The following MRPS25 variants were observed in gnomAD, a reference collection of about 807,000 sequenced individuals.
MRPS25 encodes the protein mitochondrial ribosomal protein S25.
In MRPS25, 15 loss-of-function variants were observed where a neutral mutation model predicts 17.3. That is an observed-to-expected ratio of 0.87 (90% CI 0.58 to 1.34). The LOEUF (loss-of-function observed/expected upper bound fraction) is 1.34, where lower values mean the gene tolerates loss of function less well. MRPS25 is among the 40% of genes most tolerant of loss of function. MRPS25 has a pLI of 0.00. For missense variants in MRPS25, 225 were observed against 218.6 expected, an observed-to-expected ratio of 1.03 and a Z score of -0.19; for synonymous variants, 94 against 83.3, an observed-to-expected ratio of 1.13 and a Z score of -0.70.
chr3:15,065,266 C>T lies in MRPS25; in HGVS notation c.-72G>A, dbSNP rs1413061892. The T allele has an allele frequency of 1.4e-6, 2 of 1,463,624 alleles. No homozygotes were observed. Among genetic ancestry groups the T allele is most frequent in the African/African-American group, 1.4e-5 (1 of 70,050 alleles). The allele number at this position is 1,463,624 out of a possible 1,614,324, so 90.7% of individuals were successfully genotyped here. On this transcript the variant is annotated 5_prime_UTR_variant, in exon 1 of 4. Transcript: ENST00000253686. ...GCGACGAGAAAGGACTAGCTAGCACCCGCGCGGATCTCACGCGGCTTCTCC... is the reference window on the plus strand; with the variant it reads ...GCGACGAGAAAGGACTAGCTAGCACTCGCGCGGATCTCACGCGGCTTCTCC...
chr3:15,044,646 G>C (rs1459943002), downstream of MRPS25: 1 of 152,208 alleles, frequency 6.6e-6, no homozygotes, highest in Non-Finnish European at 1.5e-5. Context: ...CTCTTGATTT[G>C]TTAATCAGAT....
At chr3:15,047,864 T>G (rs890212510), downstream of MRPS25, 18 of 152,246 alleles carry the variant, frequency 1.2e-4, no homozygotes, top group African/African-American at 4.3e-4. Context: ...AATTTTCAGA[T>G]AAGAATTGCA....
chr3:15,051,992 A>G lies in MRPS25; in HGVS notation c.*449T>C, dbSNP rs370071613. The G allele has an allele frequency of 1.4e-5, 14 of 990,740 alleles. No homozygotes were observed. The Admixed American group carries it at 3.5e-4, about 25-fold the overall frequency. 61.4% of individuals were successfully genotyped at this position (990,740 alleles called of 1,614,324 possible). A position where few individuals can be genotyped will look rare whatever the true frequency, so the allele number is the denominator to read the frequency against. On this transcript the variant is annotated 3_prime_UTR_variant, in exon 4 of 4. Transcript: ENST00000253686. ...CAAGGAACTGAACGGAGGGGTGTACACACTGCCAACCACAGACAGTGCTAG... is the reference window on the plus strand; with the variant it reads ...CAAGGAACTGAACGGAGGGGTGTACGCACTGCCAACCACAGACAGTGCTAG...
intron 2 of MRPS25, among the ~76,000 whole-genome samples, chr3:15,054,730 A>T (rs1004064463): frequency 3.3e-5 from 5 of 152,156 alleles, no homozygotes; most frequent in Admixed American, 3.3e-4. Flanking sequence ...CAAAATTAAA[A>T]ACTTTTACAG....
At chr3:15,042,807 CT>C, downstream of MRPS25, 1 of 1,605,696 alleles carries the variant, frequency 6.2e-7, no homozygotes. Context: ...AAACAGTCTC[CT>C]TTTCTAATGA....
Position 15,052,468 on chromosome 3 carries a change from G to A in MRPS25, c.495C>T (p.Ala165=), listed in dbSNP as rs138779362. 1,188 of 1,613,992 alleles carry A rather than the reference G, an allele frequency of 7.4e-4. 11 individuals are homozygous for A. In the African/African-American group the frequency reaches 0.014, roughly 19 times the overall value. The part of the protein sequence containing the change: ...LPKEMRGKYK[A]ALKADAQD Reference sequence around the variant, plus strand: ...AGTCCTGGGCATCGGCTTTCAGAGCGGCTTTGTACTTCCCCCTCATCTCCT... The same window carrying A: ...AGTCCTGGGCATCGGCTTTCAGAGCAGCTTTGTACTTCCCCCTCATCTCCT... Residue 165 remains alanine (A), a synonymous_variant, in exon 4 of 4, where the codon GCC becomes GCT. Transcript: ENST00000253686.
At chr3:15,064,860 C>T (rs532384730) in intron 1 of MRPS25, among the ~76,000 whole-genome samples, 13 of 152,336 alleles carry the variant, frequency 8.5e-5, no homozygotes, top group Admixed American at 2.0e-4. Context: ...CCCCAAACCT[C>T]GTCACGACTG....
chr3:15,062,608 C>T (rs1396552433), intron 1 of MRPS25, among the ~76,000 whole-genome samples: 1 of 151,920 alleles, frequency 6.6e-6, no homozygotes. Context: ...ATGACAATGG[C>T]AGTTTTGTGG....
rs989161534 is a variant in MRPS25 at position 15,059,409 on chromosome 3, A to C, written c.201T>G (p.Phe67Leu). 3 of 1,613,586 alleles carry C rather than the reference A, an allele frequency of 1.9e-6. No homozygotes were observed. Among genetic ancestry groups the C allele is most frequent in the African/African-American group, 2.7e-5 (2 of 74,918 alleles). Residue 67 changes from phenylalanine (F) to leucine (L), a missense_variant, in exon 2 of 4, where the codon TTT (phenylalanine) becomes TTG (leucine). Coordinates refer to ENST00000253686, the MANE Select transcript of MRPS25 (RefSeq NM_022497.5). ...YKNPWVQIMM[F>L]KNMTPSPFLR... ...GGAAGGGTGACGGCGTCATGTTCTT[A>C]AACATCATGATCTGCACCCAAGGGT...
At chr3:15,046,694 T>C (rs531711674), downstream of MRPS25, 1 of 152,648 alleles carries the variant, frequency 6.6e-6, no homozygotes, top group African/African-American at 2.4e-5. Flanking sequence ...GGTAACATTT[T>C]AACTCTTTTC....
chr3:15,059,155 G>A (rs959839308), intron 2 of MRPS25, among the ~76,000 whole-genome samples: 2 of 152,100 alleles, frequency 1.3e-5, no homozygotes, highest in Non-Finnish European at 2.9e-5. Flanking sequence ...ATGGTGTGAG[G>A]CAGAGGGTAA....
Position 15,051,467 on chromosome 3 carries a change from G to A in MRPS25, c.*974C>T. 2 of 983,828 alleles carry A rather than the reference G, an allele frequency of 2.0e-6. No homozygotes were observed. Among genetic ancestry groups the A allele is most frequent in the Non-Finnish European group, 2.4e-6 (2 of 828,438 alleles). 60.9% of individuals were successfully genotyped at this position (983,828 alleles called of 1,614,324 possible). A position where few individuals can be genotyped will look rare whatever the true frequency, so the allele number is the denominator to read the frequency against. ...CAAAGTGCTGGGATTACAGGCATGA[G>A]CCACCACACCCAGCCTAGCTAAACC... On this transcript the variant is annotated 3_prime_UTR_variant, in exon 4 of 4. Coordinates refer to ENST00000253686, the MANE Select transcript of MRPS25 (RefSeq NM_022497.5).
intron 1 of MRPS25, among the ~76,000 whole-genome samples, chr3:15,062,734 T>C (rs555217238): frequency 3.3e-4 from 50 of 152,316 alleles, no homozygotes; most frequent in Middle Eastern, 6.8e-3. Flanking sequence ...AGAAAAATTC[T>C]TCTGCCTTGG....
chr3:15,048,165 C>T (rs1273980484), downstream of MRPS25: 1 of 152,640 alleles, frequency 6.6e-6, no homozygotes, highest in African/African-American at 2.4e-5. Context: ...GTACTCAGTG[C>T]CTTTTGTGAG....
At chr3:15,053,191 A>T in intron 3 of MRPS25, 189 bp downstream of exon 3, 1 of 1,312,298 alleles carries the variant, frequency 7.6e-7, no homozygotes, top group Non-Finnish European at 1.0e-6. Flanking sequence ...GATAAAGCTT[A>T]CAGAGGTTTA....
At chr3:15,062,670 G>A (rs977848893) in intron 1 of MRPS25, among the ~76,000 whole-genome samples, 3 of 152,186 alleles carry the variant, frequency 2.0e-5, no homozygotes, top group Non-Finnish European at 2.9e-5. Flanking sequence ...GATGGTTGCC[G>A]TGTCTGTGTG....
intron 1 of MRPS25, among the ~76,000 whole-genome samples, chr3:15,063,153 T>C (rs181491280): frequency 1.4e-3 from 204 of 150,906 alleles, no homozygotes; most frequent in Admixed American, 1.2e-3. Flanking sequence ...CCCCAGAAGG[T>C]GGGGTTTTAC....
At chr3:15,061,031 C>T (rs11717371) in intron 1 of MRPS25, among the ~76,000 whole-genome samples, 22,353 of 152,122 alleles carry the variant, frequency 0.15, 1,947 homozygotes, top group Middle Eastern at 0.21. Context: ...CAGTTCCCAC[C>T]CCACTGCAGA....
rs1308116774 is a variant in MRPS25, at chr3:15,050,833, C to G, written c.*1608G>C. On this transcript the variant is annotated 3_prime_UTR_variant, in exon 4 of 4. Transcript: ENST00000253686. ...CTGGTACAGAATCAAACTTGAGCAT[C>G]AAATGTAAAAGATCCAAATCTGCTC... is the stretch of plus-strand genomic sequence containing the variant. The G allele has an allele frequency of 1.0e-6, 1 of 985,242 alleles. No individual in the cohort carries two copies. Among genetic ancestry groups the G allele is most frequent in the Non-Finnish European group, 1.2e-6 (1 of 829,938 alleles). The allele number at this position is 985,242 out of a possible 1,614,324, so 61.0% of individuals were successfully genotyped here.
Sources: allele counts gnomAD v4.1 joint callset (sites outside exome capture counted in the v4.1 genomes callset), GRCh38; gene constraint gnomAD v4.1.1; transcripts MANE v1.5; gene names NCBI Gene and HGNC (gene_info 2026-07-23, HGNC 2026-07-21).